Variants in SLCO2B1 observed in about 807,000 individuals in gnomAD.
SLCO2B1 encodes OATP-RP2.
A neutral mutation model predicts 67.3 loss-of-function variants in SLCO2B1; 41 were observed. That is an observed-to-expected ratio of 0.61 (90% CI 0.47 to 0.79). The LOEUF is 0.79. Among genes scored for constraint, SLCO2B1 ranks in the 30% least tolerant of loss-of-function variants. The probability of loss-of-function intolerance (pLI) is 0.00; values close to 1 mark genes in which losing one functional copy is unlikely to be tolerated. For missense variants in SLCO2B1, 837 were observed against 920.1 expected, an observed-to-expected ratio of 0.91 and a Z score of 1.17; for synonymous variants, 379 against 381.4, an observed-to-expected ratio of 0.99 and a Z score of 0.07.
chr11:75,175,340 G>A (rs1319143467), intron 7 of SLCO2B1, among the ~76,000 whole-genome samples: 1 of 152,046 alleles, frequency 6.6e-6, no homozygotes, highest in Non-Finnish European at 1.5e-5. Flanking sequence ...AATAAACCAG[G>A]AGCAAAGGCC....
chr11:75,179,554 C>T (rs373678470), intron 7 of SLCO2B1, among the ~76,000 whole-genome samples: 3 of 151,878 alleles, frequency 2.0e-5, no homozygotes, highest in East Asian at 1.9e-4. Flanking sequence ...TTTGAATTGG[C>T]ATACAATGTG....
intron 3 of SLCO2B1, 31 bp from the exon 4 acceptor site, chr11:75,165,756 C>T (rs1295450766): frequency 5.0e-6 from 8 of 1,611,512 alleles, no homozygotes; most frequent in Non-Finnish European, 4.2e-6. Context: ...GGAACTGTTC[C>T]ACCTTAATGG....
In SLCO2B1 at chr11:75,204,519, C is replaced by T. The variant is rs765602544; in HGVS notation, c.2069C>T (p.Ala690Val). The T allele has an allele frequency of 1.9e-6, 3 of 1,613,142 alleles. No homozygotes were observed. The African/African-American group carries it at 4.0e-5, about 22-fold the overall frequency. ...ARTKESRSSP[A>V]VEQQLLVSGP... ...ACCAAAGAGAGCAGATCCAGCCCTG[C>T]CGTAGAGCAGCAATTGCTAGTGTCG... Residue 690 changes from alanine to valine, a missense_variant, in exon 14 of 14, where the codon GCC becomes GTC. By Grantham distance (64) the Ala-to-Val change is moderately conservative. Transcript: ENST00000289575.
intron 7 of SLCO2B1, among the ~76,000 whole-genome samples, chr11:75,185,522 T>TTG (rs398016685): frequency 6.7e-6 from 1 of 149,560 alleles, no homozygotes. Context: ...TTTTTTTTTT[T>TTG]GTGAAACAGG....
chr11:75,164,198 C>A, intron 3 of SLCO2B1, 98 bp downstream of exon 3: 1 of 1,339,114 alleles, frequency 7.5e-7, no homozygotes, highest in Non-Finnish European at 1.0e-6. Context: ...TAAGGCCTTC[C>A]CCTCCCAGTG....
At chr11:75,194,203 G>A (rs749410017) in intron 9 of SLCO2B1, among the ~76,000 whole-genome samples, 5 of 152,144 alleles carry the variant, frequency 3.3e-5, no homozygotes, top group Admixed American at 6.5e-5. Flanking sequence ...TCTGCCCTCC[G>A]GGAGGAAGTC....
At chr11:75,165,106 A>G (rs2140309102) in intron 3 of SLCO2B1, among the ~76,000 whole-genome samples, 1 of 152,256 alleles carries the variant, frequency 6.6e-6, no homozygotes, top group African/African-American at 2.4e-5. Flanking sequence ...TCCTGAACTC[A>G]CATCCTAGGA....
intron 7 of SLCO2B1, among the ~76,000 whole-genome samples, chr11:75,172,790 A>G (rs1396971409): frequency 6.6e-6 from 1 of 152,096 alleles, no homozygotes; most frequent in Admixed American, 6.6e-5. Context: ...TTAGCCGGGC[A>G]TGGTGGTGGG....
Position 75,204,484 on chromosome 11 carries a change from A to T in SLCO2B1, c.2034A>T (p.Lys678Asn). ...LVLAVLRQQD[K>N]EARTKESRSS... The stretch of plus-strand genomic sequence containing the variant: ...TGGCTGTCCTGAGGCAGCAGGACAA[A>T]GAGGCAAGGACCAAAGAGAGCAGAT... Residue 678 changes from lysine (K) to asparagine (N), a missense_variant, in exon 14 of 14, where the codon AAA (lysine) becomes AAT (asparagine). Lys to Asn is a moderately conservative substitution (Grantham distance 94). Coordinates refer to ENST00000289575, the MANE Select transcript of SLCO2B1 (RefSeq NM_007256.5). 2.5e-6 allele frequency: 4 copies of T among 1,613,610 alleles called. No homozygotes were observed. The highest frequency in any genetic ancestry group is 3.4e-6 in the Non-Finnish European group (4 of 1,179,712).
intron 9 of SLCO2B1, among the ~76,000 whole-genome samples, chr11:75,194,936 C>T (rs571547290): frequency 1.8e-4 from 27 of 152,142 alleles, no homozygotes; most frequent in Non-Finnish European, 2.9e-4. Context: ...CATTTGGGAC[C>T]AACTGAGCTA....
chr11:75,197,711 C>A (rs1237692314), intron 10 of SLCO2B1, among the ~76,000 whole-genome samples: 1 of 152,150 alleles, frequency 6.6e-6, no homozygotes, highest in Non-Finnish European at 1.5e-5. Context: ...AGCGAGCATT[C>A]AGTCAGTCAG....
intron 1 of SLCO2B1, among the ~76,000 whole-genome samples, chr11:75,158,069 A>C (rs1949768233): frequency 6.6e-6 from 1 of 152,128 alleles, no homozygotes; most frequent in Non-Finnish European, 1.5e-5. Context: ...GAATTAAATT[A>C]AATTATTTAT....
chr11:75,179,967 C>T (rs1233380383), intron 7 of SLCO2B1, among the ~76,000 whole-genome samples: 2 of 150,984 alleles, frequency 1.3e-5, no homozygotes, highest in East Asian at 4.0e-4. Flanking sequence ...GTTGGGGTTA[C>T]AGGCGTGAGC....
At chr11:75,202,865 C>T in intron 11 of SLCO2B1, 36 bp from the exon 12 acceptor site, 1 of 1,603,280 alleles carries the variant, frequency 6.2e-7, no homozygotes, top group Non-Finnish European at 8.5e-7. Context: ...GCTGGAACCC[C>T]TCCAACCTCA....
intron 7 of SLCO2B1, among the ~76,000 whole-genome samples, chr11:75,183,377 G>A (rs1055104833): frequency 1.3e-5 from 2 of 152,112 alleles, no homozygotes; most frequent in African/African-American, 2.4e-5. Flanking sequence ...CAGCTCTAAG[G>A]TATAAATGAA....
chr11:75,173,658 G>A (rs1591819202), intron 7 of SLCO2B1, among the ~76,000 whole-genome samples: 1 of 152,190 alleles, frequency 6.6e-6, no homozygotes, highest in East Asian at 1.9e-4. Flanking sequence ...ACTGGTAGGA[G>A]AGGACAGGAT....
rs1423505181 is a variant in SLCO2B1, at chr11:75,193,471, T to A, written c.1329T>A (p.Gly443=). 1 of 1,611,380 alleles carries A rather than the reference T, an allele frequency of 6.2e-7. No individual in the cohort carries two copies. The highest frequency in any genetic ancestry group is 8.5e-7 in the Non-Finnish European group (1 of 1,178,052). Residue 443 remains glycine (G), a synonymous_variant, in exon 9 of 14, where the codon GGT becomes GGA. Transcript: ENST00000289575. This position sits in a 1 kb window ranked among gnomAD's most constrained non-coding sequence, Gnocchi z 4.2. ...TCCACCTGGGCCCTGTGGGATGCGGTGCCCTTTGCCTGCTGGGGATGCTGC... is the reference window on the plus strand; with the variant it reads ...TCCACCTGGGCCCTGTGGGATGCGGAGCCCTTTGCCTGCTGGGGATGCTGC... ...KRLHLGPVGC[G]ALCLLGMLLC... is the part of the protein sequence containing the mutation.
chr11:75,175,293 G>A (rs911318732), intron 7 of SLCO2B1, among the ~76,000 whole-genome samples: 4 of 152,144 alleles, frequency 2.6e-5, no homozygotes, highest in African/African-American at 9.7e-5. Context: ...CAGTAACGTG[G>A]TTGGCCTGGC....
chr11:75,172,952 A>T (rs1949982995), intron 7 of SLCO2B1, among the ~76,000 whole-genome samples: 2 of 151,940 alleles, frequency 1.3e-5, no homozygotes, highest in South Asian at 4.1e-4. Flanking sequence ...ATTACACTGC[A>T]TCCCCACTGG....
Sources: gnomAD v4.1 joint callset for allele counts (sites outside exome capture counted in the v4.1 genomes callset) on GRCh38, gnomAD v4.1.1 for gene constraint, Gnocchi (gnomAD v3.1) non-coding constraint, MANE v1.5 for transcripts, NCBI Gene and HGNC (gene_info 2026-07-23, HGNC 2026-07-21) for gene names.